CLVS1: variants seen among roughly 807,000 people sequenced by gnomAD.
CLVS1 encodes clavesin-1.
CLVS1 carries 10 observed loss-of-function variants against 33.1 expected under a neutral mutation model. The ratio of observed to expected loss-of-function variants is 0.30; its 90% CI spans 0.19 to 0.51. The LOEUF (loss-of-function observed/expected upper bound fraction) is 0.51. Ranked by LOEUF, CLVS1 falls within the 20% of genes least tolerant of loss-of-function variation. The pLI is 0.97. For missense variants in CLVS1, 343 were observed against 433.4 expected, an observed-to-expected ratio of 0.79 and a Z score of 1.85; for synonymous variants, 163 against 166.1, an observed-to-expected ratio of 0.98 and a Z score of 0.14.
intron 2 of CLVS1, among the ~76,000 whole-genome samples, chr8:61,336,478 C>T (rs1435089764): frequency 6.6e-6 from 1 of 152,146 alleles, no homozygotes; most frequent in Non-Finnish European, 1.5e-5. Context: ...AAAGGGTCCT[C>T]ACCACCAGAG....
intron 2 of CLVS1, among the ~76,000 whole-genome samples, chr8:61,303,197 A>C (rs1810498500): frequency 6.6e-6 from 1 of 152,242 alleles, no homozygotes; most frequent in Admixed American, 6.5e-5. Flanking sequence ...CACACACATA[A>C]AGAAATCAGC....
At chr8:61,357,450 G>A (rs1585852943) in intron 2 of CLVS1, among the ~76,000 whole-genome samples, 2 of 132,514 alleles carry the variant, frequency 1.5e-5, no homozygotes, top group South Asian at 4.9e-4. Context: ...TTTTCTGTTT[G>A]CCAGGACGTT....
chr8:61,284,404 T>C (rs1809734902), upstream of CLVS1, among the ~76,000 whole-genome samples: 1 of 152,180 alleles, frequency 6.6e-6, no homozygotes, highest in South Asian at 2.1e-4. Flanking sequence ...AAAGTAAATG[T>C]TTAAGGTGAT....
chr8:61,473,472 C>G (rs1259296067), intron 5 of CLVS1, among the ~76,000 whole-genome samples: 1 of 151,892 alleles, frequency 6.6e-6, no homozygotes, highest in East Asian at 1.9e-4. Flanking sequence ...CGGACTTTGT[C>G]CTATAAGCAA....
At chr8:61,200,275 T>C (rs997700848) in intron 2 of CLVS1, among the ~76,000 whole-genome samples, 1 of 150,750 alleles carries the variant, frequency 6.6e-6, no homozygotes, top group Non-Finnish European at 1.5e-5. Flanking sequence ...CCTGCCACCA[T>C]GCCGGCTAAT....
chr8:61,421,152 C>G (rs1348418431), intron 3 of CLVS1, among the ~76,000 whole-genome samples: 1 of 152,114 alleles, frequency 6.6e-6, no homozygotes. Flanking sequence ...GAGGCAGACT[C>G]TTTGAAACAT....
the CLVS1 span, among the ~76,000 whole-genome samples, chr8:60,990,404 A>G: frequency 2.0e-5 from 3 of 152,324 alleles, no homozygotes; most frequent in East Asian, 5.8e-4. Flanking sequence ...TCGTTTGGGT[A>G]TTTACAGATA....
At chr8:61,350,213 A>G (rs1278940307) in intron 2 of CLVS1, among the ~76,000 whole-genome samples, 1 of 152,144 alleles carries the variant, frequency 6.6e-6, no homozygotes, top group Non-Finnish European at 1.5e-5. Flanking sequence ...TCAAAATATC[A>G]TGTCCTATAC....
At chr8:61,298,202 T>C (rs1439196167) in intron 1 of CLVS1, among the ~76,000 whole-genome samples, 2 of 152,126 alleles carry the variant, frequency 1.3e-5, no homozygotes, top group African/African-American at 4.8e-5. Context: ...AATTTTAACA[T>C]CAGGTGGGCA....
At chr8:61,311,957 AAC>A (rs937473418) in intron 2 of CLVS1, among the ~76,000 whole-genome samples, 1 of 152,218 alleles carries the variant, frequency 6.6e-6, no homozygotes, top group Non-Finnish European at 1.5e-5. Flanking sequence ...GCGTTTTAAA[AAC>A]ACAATGTTGC....
chr8:61,400,020 A>T (rs112685652), intron 3 of CLVS1, among the ~76,000 whole-genome samples: 3,145 of 152,016 alleles, frequency 0.021, 89 homozygotes, highest in African/African-American at 0.071. Context: ...CTATTTGGGC[A>T]TTTTTTGCTT....
At chr8:61,454,054 G>A in intron 3 of CLVS1, 87 bp from the exon 4 acceptor site, 1 of 885,582 alleles carries the variant, frequency 1.1e-6, no homozygotes. Context: ...AGGAAAAACA[G>A]GTTGTTCTTT....
intron 1 of CLVS1, among the ~76,000 whole-genome samples, chr8:61,096,110 C>G (rs569233815): frequency 6.6e-6 from 1 of 152,194 alleles, no homozygotes; most frequent in East Asian, 1.9e-4. Flanking sequence ...AACTGAATTC[C>G]ACGTATTTTT....
rs544575573 is a variant in CLVS1, at chr8:61,252,110, C to T, written c.-151-47567C>T. Among the ~76,000 whole-genome samples the T allele has an allele frequency of 2.6e-5, 4 of 152,166 alleles. No individual in the cohort carries two copies. In the South Asian group the frequency reaches 6.2e-4, roughly 24 times the overall value. The stretch of plus-strand genomic sequence containing the variant: ...TAAATGTGTCCCAGAGATTCTGGTA[C>T]ATTGTGTCTTCATTCTCATCAGTTT... On this transcript the variant is annotated intron_variant, in intron 2 of 2. Coordinates refer to the CLVS1 transcript ENST00000522621.
the CLVS1 span, among the ~76,000 whole-genome samples, chr8:60,997,932 G>A: frequency 6.6e-6 from 1 of 151,992 alleles, no homozygotes; most frequent in Non-Finnish European, 1.5e-5. Context: ...TCCTTAAGGT[G>A]CTTGTGTGTG....
intron 2 of CLVS1, chr8:61,274,015 A>T (rs2931287): frequency 1.5e-4 from 23 of 153,090 alleles, no homozygotes; most frequent in African/African-American, 5.6e-4. Context: ...TGGCTCCTCC[A>T]ATATAAAAGT....
At chr8:61,340,404 T>A (rs1017090114) in intron 2 of CLVS1, among the ~76,000 whole-genome samples, 1 of 152,208 alleles carries the variant, frequency 6.6e-6, no homozygotes, top group African/African-American at 2.4e-5. Context: ...GAGTTCCACC[T>A]CTTTAGGTTT....
chr8:60,974,832 A>C, the CLVS1 span, among the ~76,000 whole-genome samples: 6 of 152,328 alleles, frequency 3.9e-5, no homozygotes, highest in Middle Eastern at 6.8e-3. Flanking sequence ...GAAAGAGTGA[A>C]TATTTTATTT....
chr8:61,190,932 T>G (rs943532951), intron 2 of CLVS1, among the ~76,000 whole-genome samples: 2 of 152,190 alleles, frequency 1.3e-5, no homozygotes, highest in Admixed American at 6.5e-5. Context: ...CACAGCTGAA[T>G]TCTACCAGAG....
Sources: gnomAD v4.1 joint callset for allele counts (sites outside exome capture counted in the v4.1 genomes callset) on GRCh38, gnomAD v4.1.1 for gene constraint, MANE v1.5 for transcripts, NCBI Gene and HGNC (gene_info 2026-07-23, HGNC 2026-07-21) for gene names.